The following WEE2 variants were observed in gnomAD, a reference collection of about 807,000 sequenced individuals.
WEE2 encodes the protein wee1-like protein kinase 2.
WEE2 carries 50 observed loss-of-function variants against 60.1 expected under a neutral mutation model. The observed-to-expected ratio is 0.83, with a 90% CI of 0.66 to 1.05. WEE2 has a LOEUF of 1.05. Ranked by LOEUF, WEE2 falls within the 50% of genes least tolerant of loss-of-function variation. WEE2 has a pLI of 0.00. For missense variants in WEE2, 631 were observed against 684.3 expected, an observed-to-expected ratio of 0.92 and a Z score of 0.87; for synonymous variants, 240 against 241.0, an observed-to-expected ratio of 1.00 and a Z score of 0.04.
At chr7:141,718,854 T>C (rs1482033648) in intron 3 of WEE2, among the ~76,000 whole-genome samples, 58 of 151,968 alleles carry the variant, frequency 3.8e-4, no homozygotes, top group Admixed American at 3.8e-3. Flanking sequence ...GAATTGTCAG[T>C]ATAGGGTTGT....
chr7:141,710,341 A>G (rs1233266042), intron 1 of WEE2, among the ~76,000 whole-genome samples: 1 of 152,216 alleles, frequency 6.6e-6, no homozygotes, highest in Non-Finnish European at 1.5e-5. Context: ...AAGTTGGTCC[A>G]GTTTTGATAT....
chr7:141,723,635 C>T (rs916262900), intron 6 of WEE2, among the ~76,000 whole-genome samples: 3 of 152,128 alleles, frequency 2.0e-5, no homozygotes, highest in Non-Finnish European at 4.4e-5. Context: ...GAGTAACTGT[C>T]ACTCATTAAT....
chr7:141,716,528 C>T (rs1798800785), intron 3 of WEE2, among the ~76,000 whole-genome samples: 4 of 151,014 alleles, frequency 2.6e-5, no homozygotes, highest in Admixed American at 2.6e-4. Context: ...TCCTTCTCTC[C>T]TCCCCTCCCC....
chr7:141,727,677 G>A, intron 10 of WEE2: 3 of 490,468 alleles, frequency 6.1e-6, no homozygotes, highest in East Asian at 3.2e-5. Flanking sequence ...CGCAAACAAA[G>A]GAAGCAAGAG....
At chr7:141,727,847 C>T (rs1317938366) in intron 10 of WEE2, 1 of 176,978 alleles carries the variant, frequency 5.7e-6, no homozygotes, top group African/African-American at 2.4e-5. Context: ...GGCAGGTAGA[C>T]ATACTGTCCT....
chr7:141,720,907 T>C (rs6971275), intron 4 of WEE2, 28 bp from the exon 5 acceptor site: 831,179 of 1,598,438 alleles, frequency 0.52, 219,949 homozygotes, highest in African/African-American at 0.75. Context: ...TTGATGTTTT[T>C]ATTCCTCAAT....
chr7:141,731,159 T>G lies in WEE2; in HGVS notation c.*839T>G, dbSNP rs911295520. The G allele has an allele frequency of 2.0e-5, 3 of 152,206 alleles. No homozygotes were observed. The highest frequency in any genetic ancestry group is 4.4e-5 in the Non-Finnish European group (3 of 68,026). The allele number at this position is 152,206 out of a possible 1,614,324, so 9.4% of individuals were successfully genotyped here. ...ATAAGCTCTGTTTGTGTCATCTTAG[T>G]GAATGCAACCTGTTAATGATAATGG... On this transcript the variant is annotated 3_prime_UTR_variant, in exon 12 of 12. Coordinates refer to ENST00000397541, the MANE Select transcript of WEE2 (RefSeq NM_001105558.1).
In WEE2 at chr7:141,709,013, G is replaced by A; in HGVS notation, c.255G>A (p.Val85=). 2 of 1,614,138 alleles carry A rather than the reference G, an allele frequency of 1.2e-6. No homozygotes were observed. Among genetic ancestry groups the A allele is most frequent in the Non-Finnish European group, 1.7e-6 (2 of 1,180,026 alleles). Residue 85 remains valine (V), a synonymous_variant, in exon 1 of 12, where the codon GTG becomes GTA. Coordinates refer to ENST00000397541, the MANE Select transcript of WEE2 (RefSeq NM_001105558.1). ...ESPDQILRTP[V]SHPLKCPETP... ...CAGATCAGATTTTGAGGACTCCAGT[G>A]TCACACCCTCTCAAATGTCCTGAGA... is the stretch of plus-strand genomic sequence containing the variant.
chr7:141,727,059 A>C, intron 9 of WEE2: 1 of 426,900 alleles, frequency 2.3e-6, no homozygotes, highest in Non-Finnish European at 4.1e-6. Flanking sequence ...GCAATAGACT[A>C]GTTAGCCAGC....
At chr7:141,721,238 C>T (rs907169586) in intron 5 of WEE2, among the ~76,000 whole-genome samples, 182 bp downstream of exon 5, 2 of 152,160 alleles carry the variant, frequency 1.3e-5, no homozygotes, top group Non-Finnish European at 2.9e-5. Context: ...AAGGGGTCCT[C>T]GACTTATTCT....
At chr7:141,712,396 G>A (rs961550761) in intron 1 of WEE2, among the ~76,000 whole-genome samples, 2 of 152,102 alleles carry the variant, frequency 1.3e-5, no homozygotes, top group Non-Finnish European at 2.9e-5. Flanking sequence ...CTGTGCTACA[G>A]CTATTCCTTA....
Position 141,723,171 on chromosome 7 carries a change from G to A in WEE2, c.918G>A (p.Lys306=), listed in dbSNP as rs1227710017. The A allele has an allele frequency of 1.9e-6, 3 of 1,614,176 alleles. No individual in the cohort carries two copies. In the Admixed American group the frequency reaches 5.0e-5, roughly 27 times the overall value. ...SLQAAISENT[K]SGNHFEEPKL... ...AAGCTGCTATATCTGAAAACACTAA[G>A]TCTGGCAATCATTTTGAAGAGCCAA... Residue 306 remains lysine (K), a synonymous_variant, in exon 6 of 12, where the codon AAG becomes AAA. Coordinates refer to ENST00000397541, the MANE Select transcript of WEE2 (RefSeq NM_001105558.1).
intron 11 of WEE2, among the ~76,000 whole-genome samples, 198 bp downstream of exon 11, chr7:141,729,871 C>T (rs1029520577): frequency 1.3e-5 from 2 of 151,846 alleles, no homozygotes; most frequent in African/African-American, 4.8e-5. Context: ...GCCTATAATC[C>T]CAGCTACTCA....
chr7:141,727,248 A>G (rs961342588), intron 9 of WEE2, 56 bp from the exon 10 acceptor site: 3 of 1,566,074 alleles, frequency 1.9e-6, no homozygotes, highest in African/African-American at 2.8e-5. Flanking sequence ...TTGAATGGGA[A>G]GATTTTTCCC....
At chr7:141,723,111 T>C in intron 5 of WEE2, 23 bp from the exon 6 acceptor site, 1 of 1,613,688 alleles carries the variant, frequency 6.2e-7, no homozygotes, top group Non-Finnish European at 8.5e-7. Flanking sequence ...ACTGTGGGGC[T>C]GTTCTCTGTT....
chr7:141,723,681 T>C (rs868693975), intron 6 of WEE2, among the ~76,000 whole-genome samples: 4 of 152,164 alleles, frequency 2.6e-5, no homozygotes, highest in Non-Finnish European at 1.5e-5. Context: ...TATTTTTTTA[T>C]TTTGGGGACA....
In WEE2 at chr7:141,711,644, G is replaced by C. The variant is rs1356149554; in HGVS notation, c.342+2544G>C. ...CTAAAAGCATAGAACACTCATTGAT[G>C]ACCGACCACTTGGTAGAAATACTGC... On this transcript the variant is annotated intron_variant, in intron 1 of 11. Coordinates refer to ENST00000397541, the MANE Select transcript of WEE2 (RefSeq NM_001105558.1). The surrounding 1 kb of genome is among the most constrained non-coding windows in gnomAD (Gnocchi z 4.2). 1 of 152,208 alleles carries C rather than the reference G, an allele frequency of 6.6e-6. No homozygotes were observed. The highest frequency in any genetic ancestry group is 2.1e-4 in the South Asian group (1 of 4,826). 9.4% of individuals were successfully genotyped at this position (152,208 alleles called of 1,614,324 possible). A position where few individuals can be genotyped will look rare whatever the true frequency, so the allele number is the denominator to read the frequency against.
In WEE2 at chr7:141,727,439, C is replaced by T; in HGVS notation, c.1528C>T (p.Leu510=). The part of the protein sequence containing the change: ...LNLEKFKTAT[L]ERELREAQQA... ...TTTGGAAAAGTTCAAGACTGCCACA[C>T]TGGAAAGGTATATTTTTGGATGATG... Residue 510 remains leucine, a synonymous_variant, in exon 10 of 12, where the codon CTG becomes TTG. Transcript: ENST00000397541. 6.2e-7 allele frequency: 1 copy of T among 1,614,036 alleles called. No homozygotes were observed. Among genetic ancestry groups the T allele is most frequent in the Non-Finnish European group, 8.5e-7 (1 of 1,179,988 alleles).
intron 2 of WEE2, 113 bp downstream of exon 2, chr7:141,714,518 T>G: frequency 1.4e-6 from 1 of 730,196 alleles, no homozygotes. Flanking sequence ...ATGAAATGTA[T>G]ATGCTTACAT....
Sources: allele counts gnomAD v4.1 joint callset (sites outside exome capture counted in the v4.1 genomes callset), GRCh38; gene constraint gnomAD v4.1.1; non-coding constraint Gnocchi (gnomAD v3.1); transcripts MANE v1.5; gene names NCBI Gene and HGNC (gene_info 2026-07-23, HGNC 2026-07-21).